TTBK1: variants seen among roughly 807,000 people sequenced by gnomAD.
TTBK1 encodes the protein tau-tubulin kinase 1.
TTBK1 carries 34 observed loss-of-function variants against 108.5 expected under a neutral mutation model. The ratio of observed to expected loss-of-function variants is 0.31; its 90% CI spans 0.24 to 0.42. The LOEUF is 0.42. Among genes scored for constraint, TTBK1 ranks in the 10% least tolerant of loss-of-function variants. The pLI is 1.00. For missense variants in TTBK1, 1,539 were observed against 1,826.0 expected (o/e 0.84, Z 2.86); for synonymous variants, 809 against 795.1 (o/e 1.02, Z -0.29).
At position 43,276,222 on chromosome 6, in the gene TTBK1, C is replaced by G. The variant is rs906305036; in HGVS notation, c.1987-6505C>G. The stretch of plus-strand genomic sequence containing the variant: ...CTGTATTATACGCTTGCACTATTTC[C>G]CGACCCTGGCCAGCGGAAGCATGCA... On this transcript the variant is annotated intron_variant, in intron 13 of 14. Transcript: ENST00000259750. The surrounding 1 kb of genome is among the most constrained non-coding windows in gnomAD (Gnocchi z 5.4). Among the ~76,000 whole-genome samples the G allele has an allele frequency of 6.6e-6, 1 of 152,184 alleles. No homozygotes were observed. The highest frequency in any genetic ancestry group is 1.5e-5 in the Non-Finnish European group (1 of 68,036).
chr6:43,282,839 G>A lies in TTBK1; in HGVS notation c.2099G>A (p.Arg700Gln), dbSNP rs150300017. Reference sequence around the variant, plus strand: ...CTCTCCGATTACCGAGAACGGGCGCGGTTGCTCAACAGGGTCCGGAGGGTG... The same window carrying A: ...CTCTCCGATTACCGAGAACGGGCGCAGTTGCTCAACAGGGTCCGGAGGGTG... ...RDLSDYRERARLLNRVRRVGF... is the reference protein window; with the variant it reads ...RDLSDYRERAQLLNRVRRVGF... The change falls in exon 14 of 15, where the codon CGG becomes CAG. Residue 700 changes from arginine to glutamine, a missense_variant. Arg to Gln is a conservative substitution (Grantham distance 43). Around this residue, in one of 5 missense-constraint regions of TTBK1, gnomAD observed 1,055 missense variants for 1,086.5 expected, o/e 0.97. Transcript: ENST00000259750. This position sits in a 1 kb window ranked among gnomAD's most constrained non-coding sequence, Gnocchi z 5.4. 969 of 1,613,986 alleles carry A rather than the reference G, an allele frequency of 6.0e-4. 9 individuals carry two copies. The South Asian group carries it at 7.4e-3, about 12-fold the overall frequency.
chr6:43,267,793 G>T (rs758522349), intron 13 of TTBK1, among the ~76,000 whole-genome samples: 1 of 152,178 alleles, frequency 6.6e-6, no homozygotes, highest in African/African-American at 2.4e-5. Context: ...GTCTCTGACC[G>T]ATAGCACAGC....
At chr6:43,266,442 A>G (rs1017991517) in intron 13 of TTBK1, among the ~76,000 whole-genome samples, 2 of 152,218 alleles carry the variant, frequency 1.3e-5, no homozygotes, top group Non-Finnish European at 2.9e-5. Context: ...CTTCACAACA[A>G]CACTGTGAAC....
At chr6:43,272,204 C>T (rs1413278814) in intron 13 of TTBK1, 1 of 985,448 alleles carries the variant, frequency 1.0e-6, no homozygotes, top group East Asian at 1.1e-4. Context: ...GCAAGGGCCC[C>T]CCCACCCAAT....
intron 10 of TTBK1, among the ~76,000 whole-genome samples, chr6:43,258,412 G>A (rs900515638): frequency 6.6e-6 from 1 of 152,092 alleles, no homozygotes; most frequent in South Asian, 2.1e-4. Context: ...GGTCGAGGGA[G>A]GAGCTGGAGT....
rs1778374476 is a variant in TTBK1 at position 43,286,058 on chromosome 6, G to C, written c.*682G>C. ...CTCCATCCTGGACAACTCGGTGAGA[G>C]GCAGTGGGCAAGTGATCTTGGAGAT... is the stretch of plus-strand genomic sequence containing the variant. On this transcript the variant is annotated 3_prime_UTR_variant, in exon 15 of 15. Coordinates refer to ENST00000259750, the MANE Select transcript of TTBK1 (RefSeq NM_032538.3). This position sits in a 1 kb window ranked among gnomAD's most constrained non-coding sequence, Gnocchi z 4.6. 1 of 152,832 alleles carries C rather than the reference G, an allele frequency of 6.5e-6. No individual in the cohort carries two copies. The highest frequency in any genetic ancestry group is 6.5e-5 in the Admixed American group (1 of 15,276). The allele number at this position is 152,832 out of a possible 1,614,324, so 9.5% of individuals were successfully genotyped here. A position where few individuals can be genotyped will look rare whatever the true frequency, so the allele number is the denominator to read the frequency against.
At chr6:43,271,300 G>A in intron 13 of TTBK1, 2 of 985,480 alleles carry the variant, frequency 2.0e-6, no homozygotes. Flanking sequence ...TTACGAATGA[G>A]CGTTTGTGCA....
chr6:43,281,711 T>C (rs1778168134), intron 13 of TTBK1, among the ~76,000 whole-genome samples: 1 of 152,110 alleles, frequency 6.6e-6, no homozygotes, highest in Admixed American at 6.5e-5. Flanking sequence ...TCGGCTAGCT[T>C]AGGAAGACAG....
intron 14 of TTBK1, 72 bp downstream of exon 14, chr6:43,284,384 G>A: frequency 6.8e-7 from 1 of 1,477,088 alleles, no homozygotes. Flanking sequence ...GGCTTCTCCA[G>A]AACCAAGGTC....
chr6:43,252,450 A>G (rs1329178914), intron 2 of TTBK1, among the ~76,000 whole-genome samples: 6 of 151,928 alleles, frequency 3.9e-5, no homozygotes, highest in Non-Finnish European at 7.4e-5. Flanking sequence ...ACATGGTGAA[A>G]CCCTGTCTCT....
rs369257537 is a variant in TTBK1, at chr6:43,283,745, C to T, written c.3005C>T (p.Pro1002Leu). ...GAGGGCTCTGCCCTGTCTGGGGCCCCCCGGGAAACCCCCTCAGAGATGGCC... is the reference window on the plus strand; with the variant it reads ...GAGGGCTCTGCCCTGTCTGGGGCCCTCCGGGAAACCCCCTCAGAGATGGCC... ...EIEGSALSGA[P>L]RETPSEMATN... The change falls in exon 14 of 15, where the codon CCC (proline) becomes CTC (leucine). Residue 1002 changes from proline to leucine, a missense_variant. Pro to Leu is a moderately conservative substitution (Grantham distance 98). This residue lies in a region of TTBK1 where 1,055 missense variants were observed against 1,086.5 expected (regional missense o/e 0.97). Coordinates refer to ENST00000259750, the MANE Select transcript of TTBK1 (RefSeq NM_032538.3). The surrounding 1 kb of genome is among the most constrained non-coding windows in gnomAD (Gnocchi z 8.1). The T allele has an allele frequency of 6.2e-7, 1 of 1,613,764 alleles. No individual in the cohort carries two copies. The highest frequency in any genetic ancestry group is 1.3e-5 in the African/African-American group (1 of 75,020).
Position 43,285,223 on chromosome 6 carries a change from C to T in TTBK1, c.3813C>T (p.Pro1271=), listed in dbSNP as rs557334997. ...SPSHQARPGV[P]PPRGVPPARA... ...CGCACCAGGCCCGGCCCGGGGTCCC[C>T]CCGCCCCGGGGCGTCCCGCCGGCCC... The change falls in exon 15 of 15, where the codon CCC becomes CCT. Residue 1271 remains proline (P), a synonymous_variant. Coordinates refer to ENST00000259750, the MANE Select transcript of TTBK1 (RefSeq NM_032538.3). The surrounding 1 kb of genome is among the most constrained non-coding windows in gnomAD (Gnocchi z 4.7). 8.4e-5 allele frequency: 110 copies of T among 1,308,978 alleles called. No homozygotes were observed. In the African/African-American group the frequency reaches 1.6e-3, roughly 19 times the overall value. 81.1% of individuals were successfully genotyped at this position (1,308,978 alleles called of 1,614,324 possible).
chr6:43,269,313 T>C lies in TTBK1; in HGVS notation c.1986+5963T>C, dbSNP rs1297533524. 1.3e-5 allele frequency among the ~76,000 whole-genome samples: 2 copies of C among 151,956 alleles called. No individual in the cohort carries two copies. The highest frequency in any genetic ancestry group is 2.9e-5 in the Non-Finnish European group (2 of 67,984). ...CAGCCACGTTCCTGAGAGAAAGGGT[T>C]CCCCAGTCCAGAACAACCCTGAGCT... is the stretch of plus-strand genomic sequence containing the variant. On this transcript the variant is annotated intron_variant, in intron 13 of 14. Coordinates refer to ENST00000259750, the MANE Select transcript of TTBK1 (RefSeq NM_032538.3). This position sits in a 1 kb window ranked among gnomAD's most constrained non-coding sequence, Gnocchi z 4.8.
intron 13 of TTBK1, among the ~76,000 whole-genome samples, chr6:43,266,077 A>G (rs1443536566): frequency 2.0e-5 from 3 of 152,158 alleles, no homozygotes; most frequent in African/African-American, 7.2e-5. Context: ...TACCTATGTC[A>G]GCAAGAGATG....
At position 43,269,178 on chromosome 6, in the gene TTBK1, GA is replaced by G. The variant is rs1313026048; in HGVS notation, c.1986+5829del. Among the ~76,000 whole-genome samples the G allele has an allele frequency of 6.6e-6, 1 of 152,234 alleles. No homozygotes were observed. Among genetic ancestry groups the G allele is most frequent in the Non-Finnish European group, 1.5e-5 (1 of 68,036 alleles). On this transcript the variant is annotated intron_variant, in intron 13 of 14. Coordinates refer to ENST00000259750, the MANE Select transcript of TTBK1 (RefSeq NM_032538.3). The surrounding 1 kb of genome is among the most constrained non-coding windows in gnomAD (Gnocchi z 4.8). Reference sequence around the variant, plus strand: ...GTGATGGGGCGGGGGTGCCAAGGCGGAGGGTGTACAGGGAAAGTTTCTGAGC... The same window carrying G: ...GTGATGGGGCGGGGGTGCCAAGGCGGGGGTGTACAGGGAAAGTTTCTGAGC...
chr6:43,253,424 G>A lies in TTBK1; in HGVS notation c.330+60G>A, dbSNP rs1240643970. ...TAAGAGCTTGGGCTGTGACTCCAGG[G>A]TAGGGGAAGGGAAGGTAGACTGTGG... On this transcript the variant is annotated intron_variant, in intron 4 of 14. Coordinates refer to ENST00000259750, the MANE Select transcript of TTBK1 (RefSeq NM_032538.3). This position sits in a 1 kb window ranked among gnomAD's most constrained non-coding sequence, Gnocchi z 5.8. The A allele has an allele frequency of 3.7e-6, 6 of 1,607,320 alleles. No individual in the cohort carries two copies. In the Middle Eastern group the frequency reaches 8.4e-4, roughly 224 times the overall value.
At position 43,285,412 on chromosome 6, in the gene TTBK1, C is replaced by T; in HGVS notation, c.*36C>T. On this transcript the variant is annotated 3_prime_UTR_variant, in exon 15 of 15. Coordinates refer to ENST00000259750, the MANE Select transcript of TTBK1 (RefSeq NM_032538.3). The surrounding 1 kb of genome is among the most constrained non-coding windows in gnomAD (Gnocchi z 4.7). ...TGCTCTCCGCGGTCCCCCACCCTCA[C>T]CCCGGCCCCCCACCCGCAGCCGGCC... 8.0e-7 allele frequency: 1 copy of T among 1,251,334 alleles called. No individual in the cohort carries two copies. The highest frequency in any genetic ancestry group is 1.0e-6 in the Non-Finnish European group (1 of 1,000,634). 77.5% of individuals were successfully genotyped at this position (1,251,334 alleles called of 1,614,324 possible).
At chr6:43,262,176 T>G (rs1042365135) in intron 12 of TTBK1, among the ~76,000 whole-genome samples, 24 of 152,284 alleles carry the variant, frequency 1.6e-4, no homozygotes, top group African/African-American at 5.3e-4. Context: ...GACAGCTGTA[T>G]TCAGGCTGTG....
At chr6:43,252,991 TA>T in intron 3 of TTBK1, 105 bp downstream of exon 3, 1 of 1,410,030 alleles carries the variant, frequency 7.1e-7, no homozygotes, top group South Asian at 1.2e-5. Flanking sequence ...TGTCGTGTGG[TA>T]GAGGGAAAAG....
Sources: gnomAD v4.1 joint callset for allele counts (sites outside exome capture counted in the v4.1 genomes callset) on GRCh38, gnomAD v4.1.1 for gene constraint, gnomAD v4.1.1 regional missense constraint, Gnocchi (gnomAD v3.1) non-coding constraint, MANE v1.5 for transcripts, NCBI Gene and HGNC (gene_info 2026-07-23, HGNC 2026-07-21) for gene names.